Variants in HS6ST3 observed in about 807,000 individuals in gnomAD.
HS6ST3 encodes the protein heparan sulfate 6-O-sulfotransferase 3, also known as heparan-sulfate 6-O-sulfotransferase 3.
HS6ST3 carries 12 observed loss-of-function variants against 36.7 expected under a neutral mutation model. The observed-to-expected ratio is 0.33, with a 90% CI of 0.21 to 0.53. The LOEUF is 0.53. Among genes scored for constraint, HS6ST3 ranks in the 20% least tolerant of loss-of-function variants. The pLI is 0.95. For synonymous variants in HS6ST3, 240 were observed against 257.5 expected (o/e 0.93, Z 0.65); for missense variants, 584 against 640.9 (o/e 0.91, Z 0.96).
intron 1 of HS6ST3, among the ~76,000 whole-genome samples, chr13:96,296,791 C>G (rs185224003): frequency 3.9e-5 from 6 of 151,970 alleles, no homozygotes; most frequent in African/African-American, 1.4e-4. Flanking sequence ...TAGTTTCATT[C>G]GAATGTTTTA....
At chr13:96,464,145 A>AAAAAAAAAAAAAAAAAAAAAAC (rs1421671909) in intron 1 of HS6ST3, among the ~76,000 whole-genome samples, 1 of 146,926 alleles carries the variant, frequency 6.8e-6, no homozygotes, top group Non-Finnish European at 1.5e-5. Context: ...CCTCAAAAAA[A>AAAAAAAAAAAAAAAAAAAAAAC]AAAAAAAAAA....
chr13:96,460,645 G>C (rs1022233729), intron 1 of HS6ST3, among the ~76,000 whole-genome samples: 1 of 152,122 alleles, frequency 6.6e-6, no homozygotes, highest in Non-Finnish European at 1.5e-5. Context: ...CATGTGCATT[G>C]GTATTGATTT....
intron 1 of HS6ST3, among the ~76,000 whole-genome samples, chr13:96,272,533 G>C (rs2054726187): frequency 1.3e-5 from 2 of 152,052 alleles, no homozygotes; most frequent in Non-Finnish European, 2.9e-5. Context: ...AGGAAGTTAA[G>C]TTTTGAGTAC....
intron 1 of HS6ST3, among the ~76,000 whole-genome samples, chr13:96,251,175 G>T (rs1050223453): frequency 2.0e-5 from 3 of 152,028 alleles, no homozygotes; most frequent in Admixed American, 6.6e-5. Flanking sequence ...TTCTTCTTTA[G>T]GTCTTCGGTA....
At chr13:96,173,248 AG>A (rs1290707712) in intron 1 of HS6ST3, among the ~76,000 whole-genome samples, 2 of 152,214 alleles carry the variant, frequency 1.3e-5, no homozygotes, top group Non-Finnish European at 2.9e-5. Flanking sequence ...ATCATTTTAC[AG>A]AAGAAGAAAC....
chr13:96,543,715 A>G (rs192175390), intron 1 of HS6ST3, among the ~76,000 whole-genome samples: 7 of 152,234 alleles, frequency 4.6e-5, no homozygotes, highest in East Asian at 1.9e-4. Context: ...CCTCTCTCCA[A>G]ATAACTCTCC....
At chr13:96,804,613 G>T (rs1039611887) in intron 1 of HS6ST3, among the ~76,000 whole-genome samples, 4 of 152,010 alleles carry the variant, frequency 2.6e-5, no homozygotes, top group African/African-American at 4.8e-5. Context: ...AACCTGCAAA[G>T]AATCATTTTT....
At chr13:96,319,372 A>G (rs1464502896) in intron 1 of HS6ST3, among the ~76,000 whole-genome samples, 9 of 152,218 alleles carry the variant, frequency 5.9e-5, no homozygotes, top group Non-Finnish European at 1.0e-4. Context: ...TGGATAGACC[A>G]CATTTTGCTT....
At chr13:96,731,398 C>A (rs1320574986) in intron 1 of HS6ST3, among the ~76,000 whole-genome samples, 2 of 152,164 alleles carry the variant, frequency 1.3e-5, no homozygotes, top group Non-Finnish European at 2.9e-5. Flanking sequence ...TCAGGTTCAT[C>A]CATGTTGTCG....
chr13:96,206,749 G>T (rs866278756), intron 1 of HS6ST3, among the ~76,000 whole-genome samples: 1 of 151,930 alleles, frequency 6.6e-6, no homozygotes, highest in African/African-American at 2.4e-5. Flanking sequence ...GACAACTGGC[G>T]AGCCATATGC....
chr13:96,179,807 T>C (rs933811694), intron 1 of HS6ST3, among the ~76,000 whole-genome samples: 3 of 152,156 alleles, frequency 2.0e-5, no homozygotes, highest in Non-Finnish European at 4.4e-5. Context: ...ACTTATGTTT[T>C]GTATTTCCTG....
chr13:96,509,495 T>G (rs2056040251), intron 1 of HS6ST3, among the ~76,000 whole-genome samples: 1 of 152,236 alleles, frequency 6.6e-6, no homozygotes, highest in South Asian at 2.1e-4. Context: ...ATTTAAATCT[T>G]TGATCCATCT....
chr13:96,358,664 T>G (rs1406649781), intron 1 of HS6ST3, among the ~76,000 whole-genome samples: 1 of 152,064 alleles, frequency 6.6e-6, no homozygotes, highest in African/African-American at 2.4e-5. Flanking sequence ...AAACTATAAA[T>G]GATATTTGGG....
intron 1 of HS6ST3, among the ~76,000 whole-genome samples, chr13:96,581,639 A>T (rs572232530): frequency 2.6e-5 from 4 of 152,298 alleles, no homozygotes; most frequent in Admixed American, 2.0e-4. Flanking sequence ...GTACCCAACA[A>T]CACCTACAGA....
intron 1 of HS6ST3, among the ~76,000 whole-genome samples, chr13:96,551,184 C>T (rs1336662866): frequency 6.6e-6 from 1 of 152,138 alleles, no homozygotes. Flanking sequence ...TTCTAGTGAT[C>T]AGAGAGACAA....
At chr13:96,211,219 C>T (rs1369227364) in intron 1 of HS6ST3, among the ~76,000 whole-genome samples, 1 of 152,162 alleles carries the variant, frequency 6.6e-6, no homozygotes, top group Non-Finnish European at 1.5e-5. Context: ...GATGTGAGCC[C>T]ATAATCCAGC....
At chr13:96,424,302 A>G (rs1447281704) in intron 1 of HS6ST3, among the ~76,000 whole-genome samples, 3 of 152,324 alleles carry the variant, frequency 2.0e-5, no homozygotes, top group South Asian at 4.1e-4. Flanking sequence ...AATGATTTCA[A>G]TGAATCAGTT....
chr13:96,736,445 A>G (rs1222539556), intron 1 of HS6ST3, among the ~76,000 whole-genome samples: 3 of 152,210 alleles, frequency 2.0e-5, no homozygotes, highest in Admixed American at 2.0e-4. Flanking sequence ...TAATCATCAA[A>G]TAATGTAGTA....
intron 1 of HS6ST3, among the ~76,000 whole-genome samples, chr13:96,281,207 T>C (rs1314935622): frequency 6.6e-6 from 1 of 152,172 alleles, no homozygotes; most frequent in African/African-American, 2.4e-5. Context: ...GGTTTTACCA[T>C]GTTGGCCAGG....
Sources: gnomAD v4.1 joint callset for allele counts (sites outside exome capture counted in the v4.1 genomes callset) on GRCh38, gnomAD v4.1.1 for gene constraint, MANE v1.5 for transcripts, NCBI Gene and HGNC (gene_info 2026-07-23, HGNC 2026-07-21) for gene names.